Variants in NRAP observed in about 807,000 individuals in gnomAD.
NRAP encodes nebulin-related-anchoring protein.
A neutral mutation model predicts 225.9 loss-of-function variants in NRAP; 189 were observed. That is an observed-to-expected ratio of 0.84 (90% confidence interval 0.74 to 0.94). The LOEUF is 0.94. Ranked by LOEUF, NRAP falls within the 40% of genes least tolerant of loss-of-function variation. The pLI is 0.00. For missense variants in NRAP, 2,176 were observed against 2,168.7 expected (o/e 1.00, Z -0.07); for synonymous variants, 769 against 790.7 (o/e 0.97, Z 0.46).
chr10:113,622,929 A>G (rs1425328473), intron 23 of NRAP, among the ~76,000 whole-genome samples: 1 of 152,228 alleles, frequency 6.6e-6, no homozygotes, highest in African/African-American at 2.4e-5. Flanking sequence ...TTGAAGCAAG[A>G]CTTTCTCGAT....
Position 113,620,805 on chromosome 10 carries a change from G to A in NRAP, c.2770-97C>T, listed in dbSNP as rs1564724609. ...GGCTCCCAACACAGCCTTGGTGCCA[G>A]CTGAGTCAAATTAGATGCCACTTTT... On this transcript the variant is annotated intron_variant, in intron 24 of 41. Coordinates refer to ENST00000359988, the MANE Select transcript of NRAP (RefSeq NM_198060.4). 10 of 830,350 alleles carry A rather than the reference G, an allele frequency of 1.2e-5. No homozygotes were observed. In the Admixed American group the frequency reaches 2.0e-4, roughly 17 times the overall value. 51.4% of individuals were successfully genotyped at this position (830,350 alleles called of 1,614,324 possible).
intron 24 of NRAP, 63 bp from the exon 25 acceptor site, chr10:113,620,771 G>T: frequency 8.9e-7 from 1 of 1,117,508 alleles, no homozygotes; most frequent in Non-Finnish European, 1.3e-6. Context: ...CATTTAAAGG[G>T]CTATTAGCGG....
intron 3 of NRAP, 21 bp downstream of exon 3, chr10:113,662,658 A>G (rs757740466): frequency 8.2e-7 from 1 of 1,221,762 alleles, no homozygotes; most frequent in Non-Finnish European, 1.2e-6. Context: ...CCTCCATCCC[A>G]CTGAAAATTA....
Position 113,606,266 on chromosome 10 carries a change from G to A in NRAP, c.3719C>T (p.Ala1240Val). The A allele has an allele frequency of 6.2e-7, 1 of 1,613,254 alleles. No individual in the cohort carries two copies. Among genetic ancestry groups the A allele is most frequent in the Non-Finnish European group, 8.5e-7 (1 of 1,179,206 alleles). ...ATACTCGTGTCTTGCATCCTCTCCA[G>A]CTGCTTTATAGAGGCGCTAGGCCAA... ...QITNERLYKA[A>V]GEDARHEYTM... Residue 1240 changes from alanine to valine, a missense_variant, in exon 33 of 42, where the codon GCT (alanine) becomes GTT (valine). Around this residue, in one of 3 missense-constraint regions of NRAP, gnomAD observed 1,708 missense variants for 1,695.5 expected, o/e 1.01. Coordinates refer to ENST00000359988, the MANE Select transcript of NRAP (RefSeq NM_198060.4).
chr10:113,601,956 G>A (rs1846630458), intron 35 of NRAP, among the ~76,000 whole-genome samples: 1 of 152,156 alleles, frequency 6.6e-6, no homozygotes, highest in Admixed American at 6.5e-5. Flanking sequence ...CACAATCATG[G>A]CTCACTGCAA....
At chr10:113,600,305 G>A (rs1224492038) in intron 35 of NRAP, among the ~76,000 whole-genome samples, 1 of 151,700 alleles carries the variant, frequency 6.6e-6, no homozygotes, top group Admixed American at 6.6e-5. Context: ...CAGAGTAGCT[G>A]GGACCACAGG....
At chr10:113,612,680 G>A in intron 29 of NRAP, among the ~76,000 whole-genome samples, 1 of 152,132 alleles carries the variant, frequency 6.6e-6, no homozygotes, top group East Asian at 1.9e-4. Context: ...CCTCATTTGA[G>A]GAACATACAA....
chr10:113,656,416 G>C (rs1382517044), intron 4 of NRAP, among the ~76,000 whole-genome samples: 1 of 152,152 alleles, frequency 6.6e-6, no homozygotes, highest in African/African-American at 2.4e-5. Flanking sequence ...AAAGCAAGCT[G>C]TACTCTGACC....
chr10:113,631,041 C>T lies in NRAP; in HGVS notation c.1842+468G>A, dbSNP rs71483200. ...CAGTTGTTTACAAGCATCGTCATTC[C>T]GATTGGCTGGAGCCTGGGAGGCCCC... On this transcript the variant is annotated intron_variant, in intron 18 of 41. Coordinates refer to ENST00000359988, the MANE Select transcript of NRAP (RefSeq NM_198060.4). 5.8e-3 allele frequency among the ~76,000 whole-genome samples: 876 copies of T among 152,204 alleles called. 7 individuals carry two copies. The highest frequency in any genetic ancestry group is 0.014 in the Middle Eastern group (4 of 292).
chr10:113,654,148 G>T (rs772755034), intron 4 of NRAP, 23 bp from the exon 5 acceptor site: 4 of 1,381,012 alleles, frequency 2.9e-6, no homozygotes, highest in African/African-American at 2.9e-5. Flanking sequence ...CACATGAAGG[G>T]ATACAAACAC....
intron 29 of NRAP, among the ~76,000 whole-genome samples, chr10:113,612,746 T>C (rs1847410808): frequency 6.6e-6 from 1 of 152,164 alleles, no homozygotes; most frequent in East Asian, 1.9e-4. Flanking sequence ...TCTTTAGATC[T>C]TTCTATTTTT....
intron 23 of NRAP, among the ~76,000 whole-genome samples, chr10:113,622,513 C>A (rs1350952859): frequency 6.6e-6 from 1 of 152,092 alleles, no homozygotes; most frequent in Non-Finnish European, 1.5e-5. Flanking sequence ...GGAGTACATA[C>A]ATATTTGGGG....
rs759068232 is a variant in NRAP at position 113,595,647 on chromosome 10, G to A, written c.4512C>T (p.Arg1504=). 1.1e-5 allele frequency: 17 copies of A among 1,613,042 alleles called. No individual in the cohort carries two copies. Among genetic ancestry groups the A allele is most frequent in the Non-Finnish European group, 1.3e-5 (15 of 1,179,092 alleles). Residue 1504 remains arginine, a synonymous_variant, in exon 38 of 42, where the codon CGC becomes CGT. Coordinates refer to ENST00000359988, the MANE Select transcript of NRAP (RefSeq NM_198060.4). ...IPDHPDFTRA[R]LNALHLSDKV... ...CGTCACTCAGATGCAGCGCATTGAG[G>A]CGAGCTCGGGTGAAATCGGGATGGT...
intron 25 of NRAP, among the ~76,000 whole-genome samples, chr10:113,619,455 A>G (rs1389489066): frequency 6.6e-6 from 1 of 152,122 alleles, no homozygotes. Context: ...GTCCCTAAAA[A>G]TCAGGCTGAT....
chr10:113,589,118 C>G (rs777125342), intron 41 of NRAP, 39 bp from the exon 42 acceptor site: 19 of 1,539,758 alleles, frequency 1.2e-5, no homozygotes, highest in Non-Finnish European at 1.6e-5. Context: ...AAATGAAGCT[C>G]CCCCACCCCC....
intron 21 of NRAP, 85 bp downstream of exon 21, chr10:113,625,956 TTGTGCC>T: frequency 2.5e-6 from 2 of 786,638 alleles, no homozygotes; most frequent in South Asian, 3.8e-5. Flanking sequence ...GGTTTCTGGA[TTGTGCC>T]TGGGCGGCAC....
In NRAP at chr10:113,589,078, C is replaced by T. The variant is rs372444529; in HGVS notation, c.5090G>A (p.Arg1697Gln). 1.9e-5 allele frequency: 31 copies of T among 1,613,398 alleles called. No individual in the cohort carries two copies. Among genetic ancestry groups the T allele is most frequent in the African/African-American group, 4.0e-5 (3 of 74,870 alleles). The change falls in exon 42 of 42, where the codon CGG (arginine) becomes CAG (glutamine). Residue 1697 changes from arginine to glutamine, a missense_variant and splice_region_variant. Arg to Gln is a conservative substitution (Grantham distance 43, BLOSUM62 1). This residue lies in a region of NRAP where 445 missense variants were observed against 426.1 expected (regional missense o/e 1.04). Coordinates refer to ENST00000359988, the MANE Select transcript of NRAP (RefSeq NM_198060.4). Reference sequence around the variant, plus strand: ...TCCAGCCTCCACTGCTTCTGCCCCCCGCTGCTGAAATCAAACATACCCCAA... The same window carrying T: ...TCCAGCCTCCACTGCTTCTGCCCCCTGCTGCTGAAATCAAACATACCCCAA... Reference protein sequence around the residue: ...ARGLGLQGAYRGAEAVEAGDH... With the variant: ...ARGLGLQGAYQGAEAVEAGDH...
chr10:113,589,472 C>T, intron 41 of NRAP, 194 bp downstream of exon 41: 2 of 642,056 alleles, frequency 3.1e-6, no homozygotes, highest in Non-Finnish European at 5.3e-6. Flanking sequence ...GAAAGCCCTG[C>T]AGGAAGTTTA....
At chr10:113,651,633 C>T (rs1292754057) in intron 7 of NRAP, among the ~76,000 whole-genome samples, 170 bp downstream of exon 7, 5 of 152,132 alleles carry the variant, frequency 3.3e-5, no homozygotes, top group African/African-American at 9.7e-5. Context: ...AGGATAATGG[C>T]CTCCAGCTCC....
Sources: gnomAD v4.1 joint callset for allele counts (sites outside exome capture counted in the v4.1 genomes callset) on GRCh38, gnomAD v4.1.1 for gene constraint, gnomAD v4.1.1 regional missense constraint, MANE v1.5 for transcripts, NCBI Gene and HGNC (gene_info 2026-07-23, HGNC 2026-07-21) for gene names.